TSPAN5: variants seen among roughly 807,000 people sequenced by gnomAD.
The protein encoded by TSPAN5 is tetraspanin-5.
Under a neutral mutation model 37.1 loss-of-function variants are expected in TSPAN5, and 10 were observed. The ratio of observed to expected loss-of-function variants is 0.27; its 90% CI spans 0.17 to 0.46. TSPAN5 has a LOEUF of 0.46. Ranked by LOEUF, TSPAN5 falls within the 20% of genes least tolerant of loss-of-function variation. The pLI is 1.00. For missense variants in TSPAN5, 195 were observed against 326.6 expected, an observed-to-expected ratio of 0.60 and a Z score of 3.11; for synonymous variants, 110 against 118.9, an observed-to-expected ratio of 0.93 and a Z score of 0.48.
rs183724697 is a variant in TSPAN5 at position 98,620,694 on chromosome 4, C to T, written c.81+37452G>A. Among the ~76,000 whole-genome samples the T allele has an allele frequency of 1.7e-3, 264 of 152,262 alleles. 1 individual carries two copies. In the Middle Eastern group the frequency reaches 0.034, roughly 20 times the overall value. On this transcript the variant is annotated intron_variant, in intron 1 of 7. Transcript: ENST00000305798. ...CCATTAATGGAAAGAGAGGGAGAAGCAGGCTGTAGGCACAGGCACTGCAAT... is the reference window on the plus strand; with the variant it reads ...CCATTAATGGAAAGAGAGGGAGAAGTAGGCTGTAGGCACAGGCACTGCAAT...
rs552839086 is a variant in TSPAN5 at position 98,547,134 on chromosome 4, TTG to T, written c.82-39408_82-39407del. 2.8e-4 allele frequency among the ~76,000 whole-genome samples: 42 copies of T among 152,332 alleles called. 1 individual carries two copies. Among genetic ancestry groups the T allele is most frequent in the African/African-American group, 8.9e-4 (37 of 41,576 alleles). On this transcript the variant is annotated intron_variant, in intron 1 of 7. Coordinates refer to ENST00000305798, the MANE Select transcript of TSPAN5 (RefSeq NM_005723.4). ...TCGCTGGCTCCCCCTCGCTCTTCTC[TTG>T]TGTGGCAGCGTCAGGCGGCCCCAGG...
chr4:98,515,567 T>C (rs970644761), intron 1 of TSPAN5, among the ~76,000 whole-genome samples: 6 of 152,158 alleles, frequency 3.9e-5, no homozygotes, highest in African/African-American at 1.2e-4. Flanking sequence ...ACTTGCTGCA[T>C]GTGCCCTTAT....
intron 1 of TSPAN5, among the ~76,000 whole-genome samples, chr4:98,511,165 T>C (rs1753596915): frequency 6.6e-6 from 1 of 152,236 alleles, no homozygotes; most frequent in South Asian, 2.1e-4. Context: ...CATGGCAATA[T>C]ATGCAAATGT....
At chr4:98,503,009 G>A (rs918030598) in intron 2 of TSPAN5, among the ~76,000 whole-genome samples, 3 of 151,944 alleles carry the variant, frequency 2.0e-5, no homozygotes, top group Non-Finnish European at 2.9e-5. Context: ...AATAGAGGGA[G>A]GAGGTTGATC....
intron 1 of TSPAN5, among the ~76,000 whole-genome samples, chr4:98,617,901 G>T (rs2110243532): frequency 6.6e-6 from 1 of 152,298 alleles, no homozygotes; most frequent in Non-Finnish European, 1.5e-5. Context: ...TTCAAAGCTA[G>T]AGCTGGACAG....
chr4:98,635,717 G>C (rs1756842936), intron 1 of TSPAN5, among the ~76,000 whole-genome samples: 1 of 152,218 alleles, frequency 6.6e-6, no homozygotes, highest in Non-Finnish European at 1.5e-5. Flanking sequence ...CAACATGCCA[G>C]ACTAGCACTC....
chr4:98,537,070 T>C (rs1754252203), intron 1 of TSPAN5, among the ~76,000 whole-genome samples: 2 of 152,108 alleles, frequency 1.3e-5, no homozygotes, highest in Admixed American at 1.3e-4. Context: ...TGCAGCTAGT[T>C]CGGCGTCTGC....
intron 1 of TSPAN5, among the ~76,000 whole-genome samples, chr4:98,514,529 C>T (rs909677630): frequency 6.6e-6 from 1 of 152,186 alleles, no homozygotes; most frequent in African/African-American, 2.4e-5. Context: ...CCAGTTTGTA[C>T]ATTCAAACTG....
chr4:98,645,659 G>A (rs1190294768), intron 1 of TSPAN5, among the ~76,000 whole-genome samples: 1 of 152,136 alleles, frequency 6.6e-6, no homozygotes. Flanking sequence ...ATCAGCTGGC[G>A]ACCTAACTCC....
chr4:98,477,025 G>T (rs551876180), intron 5 of TSPAN5, among the ~76,000 whole-genome samples: 2 of 152,320 alleles, frequency 1.3e-5, no homozygotes, highest in African/African-American at 4.8e-5. Context: ...TTCCTTCTCT[G>T]CGGGGTGTGG....
intron 1 of TSPAN5, among the ~76,000 whole-genome samples, chr4:98,601,868 T>C (rs1459915005): frequency 6.6e-6 from 1 of 152,216 alleles, no homozygotes; most frequent in Non-Finnish European, 1.5e-5. Flanking sequence ...CATGTGACTC[T>C]TCCTTTCACT....
chr4:98,589,540 AG>A (rs1218454274), intron 1 of TSPAN5, among the ~76,000 whole-genome samples: 3 of 152,216 alleles, frequency 2.0e-5, no homozygotes, highest in Non-Finnish European at 2.9e-5. Context: ...TGAGGGCATG[AG>A]GGGCACCTTT....
intron 1 of TSPAN5, among the ~76,000 whole-genome samples, chr4:98,569,493 C>G (rs1201805148): frequency 6.6e-6 from 1 of 152,184 alleles, no homozygotes; most frequent in African/African-American, 2.4e-5. Flanking sequence ...GGGAGGCAGC[C>G]TGATCTGGCT....
intron 5 of TSPAN5, among the ~76,000 whole-genome samples, chr4:98,476,882 CT>C (rs1342513174): frequency 6.6e-6 from 1 of 152,174 alleles, no homozygotes; most frequent in Non-Finnish European, 1.5e-5. Flanking sequence ...TTCCATGTTA[CT>C]TAAATTGTTT....
chr4:98,522,996 T>C (rs1287903403), intron 1 of TSPAN5, among the ~76,000 whole-genome samples: 1 of 152,208 alleles, frequency 6.6e-6, no homozygotes, highest in Non-Finnish European at 1.5e-5. Context: ...TATCATCCTC[T>C]CTCCTTAGTT....
rs762531676 is a variant in TSPAN5 at position 98,507,763 on chromosome 4, A to G, written c.82-35T>C. 8.8e-6 allele frequency: 13 copies of G among 1,476,172 alleles called. No homozygotes were observed. In the African/African-American group the frequency reaches 1.5e-4, roughly 18 times the overall value. 91.4% of individuals were successfully genotyped at this position (1,476,172 alleles called of 1,614,324 possible). On this transcript the variant is annotated intron_variant, in intron 1 of 7. Coordinates refer to ENST00000305798, the MANE Select transcript of TSPAN5 (RefSeq NM_005723.4). ...AAAGAAAGCAGTGTAAATATAAGGG[A>G]AAATGCCGCTAATATAAAGAAGAAA...
At chr4:98,570,983 A>G (rs1755105698) in intron 1 of TSPAN5, among the ~76,000 whole-genome samples, 2 of 151,518 alleles carry the variant, frequency 1.3e-5, no homozygotes, top group African/African-American at 2.4e-5. Flanking sequence ...CTACGCTCCA[A>G]TATGGGCGAC....
intron 1 of TSPAN5, among the ~76,000 whole-genome samples, chr4:98,512,421 T>G (rs1753629136): frequency 6.6e-6 from 1 of 152,174 alleles, no homozygotes; most frequent in Non-Finnish European, 1.5e-5. Context: ...ATTACTCTTT[T>G]AATTTCTAGG....
At chr4:98,583,990 C>T (rs1310991966) in intron 1 of TSPAN5, among the ~76,000 whole-genome samples, 9 of 152,176 alleles carry the variant, frequency 5.9e-5, no homozygotes, top group Non-Finnish European at 7.3e-5. Context: ...TCTCCCACTC[C>T]CACCTTCCAG....
Sources: allele counts gnomAD v4.1 joint callset (sites outside exome capture counted in the v4.1 genomes callset), GRCh38; gene constraint gnomAD v4.1.1; transcripts MANE v1.5; gene names NCBI Gene and HGNC (gene_info 2026-07-23, HGNC 2026-07-21).